The following ULK4 variants were observed in gnomAD, a reference collection of about 807,000 sequenced individuals.
ULK4 encodes the protein unc-51 like kinase 4, also known as inactive serine/threonine-protein kinase ULK4.
A neutral mutation model predicts 160.6 loss-of-function variants in ULK4; 133 were observed. The observed-to-expected ratio is 0.83, with a 90% CI of 0.72 to 0.96. The LOEUF is 0.96. Among genes scored for constraint, ULK4 ranks in the 40% least tolerant of loss-of-function variants. The pLI is 0.00. For missense variants in ULK4, 1,580 were observed against 1,499.5 expected (o/e 1.05, Z -0.89); for synonymous variants, 534 against 539.8 (o/e 0.99, Z 0.15).
At chr3:41,560,398 A>G (rs1411267202) in intron 32 of ULK4, among the ~76,000 whole-genome samples, 1 of 152,218 alleles carries the variant, frequency 6.6e-6, no homozygotes, top group Non-Finnish European at 1.5e-5. Context: ...AACTCTGTGA[A>G]GAAAGACATT....
intron 35 of ULK4, among the ~76,000 whole-genome samples, chr3:41,390,935 A>T (rs995911125): frequency 6.6e-6 from 1 of 151,638 alleles, no homozygotes; most frequent in Non-Finnish European, 1.5e-5. Flanking sequence ...ATCTCTCCCT[A>T]TCCTTCCTCC....
At chr3:41,764,562 C>T (rs2039096014) in intron 21 of ULK4, among the ~76,000 whole-genome samples, 1 of 152,174 alleles carries the variant, frequency 6.6e-6, no homozygotes, top group Non-Finnish European at 1.5e-5. Flanking sequence ...AAGACCCTGT[C>T]TCTACAAAGA....
chr3:41,488,129 C>T lies in ULK4; in HGVS notation c.3227-24876G>A, dbSNP rs150742035. 1.2e-4 allele frequency among the ~76,000 whole-genome samples: 18 copies of T among 152,304 alleles called. No homozygotes were observed. The East Asian group carries it at 2.7e-3, about 23-fold the overall frequency. ...TTACATCTATGACATAAAATATGGA[C>T]AACCGAGTTAGAGAACAATACATAG... On this transcript the variant is annotated intron_variant, in intron 32 of 36. Transcript: ENST00000301831.
intron 35 of ULK4, among the ~76,000 whole-genome samples, chr3:41,250,098 GAAA>G (rs1559486651): frequency 6.6e-6 from 1 of 152,090 alleles, no homozygotes; most frequent in African/African-American, 2.4e-5. Context: ...AGTCCTATGA[GAAA>G]AACACTTGGG....
At chr3:41,738,937 C>T (rs1264477963) in intron 22 of ULK4, among the ~76,000 whole-genome samples, 2 of 151,834 alleles carry the variant, frequency 1.3e-5, no homozygotes, top group African/African-American at 4.9e-5. Context: ...TACTTGAACC[C>T]CTACAGCAAA....
At chr3:41,298,899 G>A (rs1029288423) in intron 35 of ULK4, among the ~76,000 whole-genome samples, 1 of 152,198 alleles carries the variant, frequency 6.6e-6, no homozygotes, top group Non-Finnish European at 1.5e-5. Context: ...AGGTGATAAG[G>A]AAACTTGACA....
chr3:41,772,050 T>C (rs1021449291), intron 21 of ULK4, among the ~76,000 whole-genome samples: 1 of 152,156 alleles, frequency 6.6e-6, no homozygotes, highest in African/African-American at 2.4e-5. Context: ...TATACCAGAA[T>C]CTCTGGGACA....
At chr3:41,835,789 T>C (rs2041735787) in intron 18 of ULK4, 75 bp downstream of exon 18, 1 of 1,136,294 alleles carries the variant, frequency 8.8e-7, no homozygotes, top group Non-Finnish European at 1.3e-6. Flanking sequence ...AAAACTTTTA[T>C]AGGATATTAA....
chr3:41,507,178 C>CAAAAAA (rs149739568), intron 32 of ULK4, among the ~76,000 whole-genome samples: 2 of 82,118 alleles, frequency 2.4e-5, no homozygotes, highest in African/African-American at 9.2e-5. Context: ...TAACCAGGAG[C>CAAAAAA]AAAAAAAAAA....
intron 32 of ULK4, among the ~76,000 whole-genome samples, chr3:41,534,993 A>G (rs1285690799): frequency 6.6e-6 from 1 of 152,236 alleles, no homozygotes; most frequent in Admixed American, 6.5e-5. Context: ...ACATACATAT[A>G]CACACACATA....
At chr3:41,959,763 C>T (rs1379215265) in intron 1 of ULK4, among the ~76,000 whole-genome samples, 2 of 151,852 alleles carry the variant, frequency 1.3e-5, no homozygotes, top group Non-Finnish European at 1.5e-5. Flanking sequence ...TGGTGAGATC[C>T]CGACTCTACA....
At chr3:41,464,102 A>G (rs1172507624) in intron 32 of ULK4, among the ~76,000 whole-genome samples, 1 of 152,098 alleles carries the variant, frequency 6.6e-6, no homozygotes, top group African/African-American at 2.4e-5. Flanking sequence ...ATTAAAAGCT[A>G]TATTTTACTG....
At chr3:41,642,351 C>A (rs575711583) in intron 30 of ULK4, among the ~76,000 whole-genome samples, 6 of 152,206 alleles carry the variant, frequency 3.9e-5, no homozygotes, top group Admixed American at 1.3e-4. Context: ...CCCCCCACCC[C>A]ACAACAGTCC....
chr3:41,359,557 C>T (rs532062420), intron 35 of ULK4, among the ~76,000 whole-genome samples: 47 of 152,296 alleles, frequency 3.1e-4, no homozygotes, highest in Non-Finnish European at 5.9e-4. Flanking sequence ...AAGGCCAAGT[C>T]AGCCAAGGAC....
At chr3:41,447,573 T>C (rs2083329514) in intron 34 of ULK4, among the ~76,000 whole-genome samples, 1 of 152,112 alleles carries the variant, frequency 6.6e-6, no homozygotes, top group Non-Finnish European at 1.5e-5. Context: ...TAGACAAATC[T>C]AAACATTGAA....
At chr3:41,880,340 A>G (rs965163213) in intron 17 of ULK4, among the ~76,000 whole-genome samples, 5 of 152,220 alleles carry the variant, frequency 3.3e-5, no homozygotes, top group African/African-American at 1.2e-4. Context: ...TACAGATGTC[A>G]ATAAATGCTT....
intron 35 of ULK4, among the ~76,000 whole-genome samples, chr3:41,280,438 C>G (rs890645899): frequency 6.6e-6 from 1 of 152,138 alleles, no homozygotes; most frequent in Non-Finnish European, 1.5e-5. Context: ...TGTAAAAGAA[C>G]AGAAATCACA....
chr3:41,312,806 T>TCAAAAA (rs746171370), intron 35 of ULK4, among the ~76,000 whole-genome samples: 11 of 152,142 alleles, frequency 7.2e-5, no homozygotes, highest in Non-Finnish European at 1.6e-4. Context: ...AGACCCTGTC[T>TCAAAAA]CAAAAACAAA....
At chr3:41,918,770 T>A (rs888656392) in intron 6 of ULK4, among the ~76,000 whole-genome samples, 3 of 151,872 alleles carry the variant, frequency 2.0e-5, no homozygotes, top group Admixed American at 2.0e-4. Context: ...CCCAGCTAAT[T>A]TTTTGTATTT....
Sources: gnomAD v4.1 joint callset for allele counts (sites outside exome capture counted in the v4.1 genomes callset) on GRCh38, gnomAD v4.1.1 for gene constraint, MANE v1.5 for transcripts, NCBI Gene and HGNC (gene_info 2026-07-23, HGNC 2026-07-21) for gene names.